INPP5F: variants seen among roughly 807,000 people sequenced by gnomAD.
INPP5F encodes the protein phosphatidylinositide 4-phosphatase SAC2.
Under a neutral mutation model 137.2 loss-of-function variants are expected in INPP5F, and 97 were observed. The ratio of observed to expected loss-of-function variants is 0.71; its 90% CI spans 0.60 to 0.84. INPP5F has a LOEUF of 0.84. INPP5F is among the 40% of genes least tolerant of loss of function. INPP5F has a pLI of 0.00. For missense variants in INPP5F, 1,271 were observed against 1,371.9 expected, an observed-to-expected ratio of 0.93 and a Z score of 1.16; for synonymous variants, 504 against 476.9, an observed-to-expected ratio of 1.06 and a Z score of -0.74.
intron 1 of INPP5F, among the ~76,000 whole-genome samples, chr10:119,736,954 G>A (rs1848231963): frequency 6.6e-6 from 1 of 152,134 alleles, no homozygotes; most frequent in East Asian, 1.9e-4. Flanking sequence ...CTCCTGAGTA[G>A]CTAGGATTAC....
chr10:119,812,464 T>G (rs1851082494), intron 15 of INPP5F, among the ~76,000 whole-genome samples: 1 of 152,086 alleles, frequency 6.6e-6, no homozygotes, highest in African/African-American at 2.4e-5. Context: ...TCCACTAGAT[T>G]GAATGCTTGC....
At chr10:119,744,299 A>G (rs558190411) in intron 1 of INPP5F, among the ~76,000 whole-genome samples, 3 of 152,192 alleles carry the variant, frequency 2.0e-5, no homozygotes, top group Non-Finnish European at 4.4e-5. Flanking sequence ...CCTAGCCTCC[A>G]GTGCCCCATT....
At chr10:119,800,947 CAAA>C (rs11365692) in intron 9 of INPP5F, among the ~76,000 whole-genome samples, 9 of 73,830 alleles carry the variant, frequency 1.2e-4, no homozygotes, top group East Asian at 3.8e-4. Flanking sequence ...CACTCTGTCT[CAAA>C]AAAAAAAAAA....
intron 9 of INPP5F, among the ~76,000 whole-genome samples, chr10:119,800,042 ATATT>A (rs1850525659): frequency 1.3e-5 from 2 of 151,698 alleles, no homozygotes; most frequent in South Asian, 2.1e-4. Context: ...TAAATTATAA[ATATT>A]AAAATACTGT....
At position 119,777,803 on chromosome 10, in the gene INPP5F, A is replaced by G. The variant is rs1482842935; in HGVS notation, c.179-3832A>G. 4.6e-5 allele frequency among the ~76,000 whole-genome samples: 7 copies of G among 152,256 alleles called. No individual in the cohort carries two copies. The East Asian group carries it at 7.7e-4, about 17-fold the overall frequency. On this transcript the variant is annotated intron_variant, in intron 2 of 19. Coordinates refer to ENST00000650623, the MANE Select transcript of INPP5F (RefSeq NM_014937.4). ...TCTTCAGTTAATGTTTAATGATAATAGGGAAATGGCCTATAAAAGCCTTAA... is the reference window on the plus strand; with the variant it reads ...TCTTCAGTTAATGTTTAATGATAATGGGGAAATGGCCTATAAAAGCCTTAA...
At chr10:119,806,128 C>T (rs1019451407) in intron 11 of INPP5F, among the ~76,000 whole-genome samples, 10 of 151,836 alleles carry the variant, frequency 6.6e-5, no homozygotes, top group Non-Finnish European at 1.5e-4. Context: ...GCAAGTCTCT[C>T]TGCACCCCAG....
chr10:119,790,895 C>T (rs1850117199), intron 3 of INPP5F, among the ~76,000 whole-genome samples: 1 of 152,248 alleles, frequency 6.6e-6, no homozygotes, highest in South Asian at 2.1e-4. Context: ...CTTCCTTACC[C>T]TTGTCAGCTG....
At chr10:119,786,382 A>G (rs1031311105) in intron 3 of INPP5F, among the ~76,000 whole-genome samples, 5 of 152,040 alleles carry the variant, frequency 3.3e-5, no homozygotes, top group Non-Finnish European at 7.3e-5. Flanking sequence ...TGTGTAAACA[A>G]AATACCTTAG....
rs921689565 is a variant in INPP5F at position 119,726,098 on chromosome 10, C to T, written c.-165C>T. Reference sequence around the variant, plus strand: ...GCCGCCGCCGCTGCCGGGGCGCGTTCTCCTCCTACCGGTCGGGTGCCCCGG... The same window carrying T: ...GCCGCCGCCGCTGCCGGGGCGCGTTTTCCTCCTACCGGTCGGGTGCCCCGG... On this transcript the variant is annotated 5_prime_UTR_variant, in exon 1 of 20. Coordinates refer to ENST00000650623, the MANE Select transcript of INPP5F (RefSeq NM_014937.4). 10 of 382,062 alleles carry T rather than the reference C, an allele frequency of 2.6e-5. No homozygotes were observed. The highest frequency in any genetic ancestry group is 4.6e-5 in the Non-Finnish European group (10 of 218,068). The allele number at this position is 382,062 out of a possible 1,614,324, so 23.7% of individuals were successfully genotyped here. A position where few individuals can be genotyped will look rare whatever the true frequency, so the allele number is the denominator to read the frequency against.
Position 119,810,201 on chromosome 10 carries a change from T to TAGGCAAGCTGTTATAGGTAAGAAGC in INPP5F, c.1674_1687+11dup. 6.3e-7 allele frequency: 1 copy of TAGGCAAGCTGTTATAGGTAAGAAGC among 1,599,104 alleles called. No individual in the cohort carries two copies. The highest frequency in any genetic ancestry group is 8.6e-7 in the Non-Finnish European group (1 of 1,166,630). Reference sequence around the variant, plus strand: ...ACCTCAACCGATTTAAGGATGCTTATAGGCAAGCTGTTATAGGTAAGAAGC... The same window carrying TAGGCAAGCTGTTATAGGTAAGAAGC: ...ACCTCAACCGATTTAAGGATGCTTATAGGCAAGCTGTTATAGGTAAGAAGCAGGCAAGCTGTTATAGGTAAGAAGC... On this transcript the variant is annotated frameshift_variant, in exon 14 of 20. Coordinates refer to ENST00000650623, the MANE Select transcript of INPP5F (RefSeq NM_014937.4). LOFTEE classifies it high-confidence loss of function.
chr10:119,814,254 G>T (rs140540759), intron 15 of INPP5F, among the ~76,000 whole-genome samples: 1 of 152,096 alleles, frequency 6.6e-6, no homozygotes, highest in African/African-American at 2.4e-5. Flanking sequence ...GGGCATGGTG[G>T]TGCGTGCCTG....
intron 3 of INPP5F, among the ~76,000 whole-genome samples, chr10:119,783,904 T>A (rs985628384): frequency 6.6e-6 from 1 of 152,174 alleles, no homozygotes; most frequent in African/African-American, 2.4e-5. Flanking sequence ...TAATTGGGAG[T>A]AAAAGTAACT....
chr10:119,750,082 CT>C (rs1272317410), intron 1 of INPP5F, among the ~76,000 whole-genome samples: 1 of 152,250 alleles, frequency 6.6e-6, no homozygotes, highest in South Asian at 2.1e-4. Flanking sequence ...AACAAGTCAA[CT>C]TTTTTTGCCT....
At chr10:119,820,790 G>T in intron 15 of INPP5F, 56 bp from the exon 16 acceptor site, 2 of 1,413,404 alleles carry the variant, frequency 1.4e-6, no homozygotes, top group Admixed American at 1.7e-5. Flanking sequence ...AATATGCTTG[G>T]CAAAAAATGC....
intron 3 of INPP5F, among the ~76,000 whole-genome samples, chr10:119,785,575 A>AGAGACT (rs993572733): frequency 1.9e-4 from 28 of 150,548 alleles, no homozygotes; most frequent in Admixed American, 7.4e-4. Flanking sequence ...AGAGAGAGAG[A>AGAGACT]GAGACTGAGA....
At chr10:119,766,846 G>C (rs900144550) in intron 2 of INPP5F, among the ~76,000 whole-genome samples, 1 of 152,128 alleles carries the variant, frequency 6.6e-6, no homozygotes, top group Non-Finnish European at 1.5e-5. Context: ...GCTCATACCT[G>C]TAATCCCAGG....
At chr10:119,800,408 AAATT>A (rs1850541637) in intron 9 of INPP5F, among the ~76,000 whole-genome samples, 1 of 151,530 alleles carries the variant, frequency 6.6e-6, no homozygotes, top group East Asian at 1.9e-4. Flanking sequence ...AAAAAAAAAA[AAATT>A]AACCAGGCAT....
intron 2 of INPP5F, among the ~76,000 whole-genome samples, chr10:119,765,470 C>T (rs1308138617): frequency 2.0e-5 from 3 of 151,682 alleles, no homozygotes; most frequent in Non-Finnish European, 2.9e-5. Flanking sequence ...TGCCTAGGTT[C>T]AAGCGACTCT....
At chr10:119,822,036 G>A (rs1470957410) in intron 16 of INPP5F, among the ~76,000 whole-genome samples, 2 of 151,710 alleles carry the variant, frequency 1.3e-5, no homozygotes, top group South Asian at 2.1e-4. Context: ...GATTACAGGC[G>A]CCTGCCACGA....
Sources: allele counts gnomAD v4.1 joint callset (sites outside exome capture counted in the v4.1 genomes callset), GRCh38; gene constraint gnomAD v4.1.1; transcripts MANE v1.5; gene names NCBI Gene and HGNC (gene_info 2026-07-23, HGNC 2026-07-21).